Variants in ESYT2 observed in about 807,000 individuals in gnomAD.
ESYT2 encodes extended synaptotagmin 2.
In ESYT2, 54 loss-of-function variants were observed where a neutral mutation model predicts 107.2. That is an observed-to-expected ratio of 0.50 (90% CI 0.40 to 0.63). The LOEUF is 0.63. Ranked by LOEUF, ESYT2 falls within the 30% of genes least tolerant of loss-of-function variation. The probability of loss-of-function intolerance (pLI) is 0.00; values close to 1 mark genes in which losing one functional copy is unlikely to be tolerated. For synonymous variants in ESYT2, 491 were observed against 434.1 expected (o/e 1.13, Z -1.63); for missense variants, 1,020 against 1,094.5 (o/e 0.93, Z 0.96).
intron 13 of ESYT2, among the ~76,000 whole-genome samples, chr7:158,755,686 A>T (rs1473420767): frequency 6.6e-6 from 1 of 152,244 alleles, no homozygotes; most frequent in Non-Finnish European, 1.5e-5. Context: ...GGCCTTAGAC[A>T]TATATGAGTA....
intron 1 of ESYT2, among the ~76,000 whole-genome samples, chr7:158,813,499 G>A (rs1258961534): frequency 6.6e-6 from 1 of 152,196 alleles, no homozygotes; most frequent in Non-Finnish European, 1.5e-5. Context: ...TGGGGGCTCT[G>A]TATTATCTGC....
In ESYT2 at chr7:158,737,141, T is replaced by G. The variant is rs899412260; in HGVS notation, c.2306A>C (p.Tyr769Ser). 3 of 1,613,830 alleles carry G rather than the reference T, an allele frequency of 1.9e-6. No homozygotes were observed. Among genetic ancestry groups the G allele is most frequent in the Non-Finnish European group, 2.5e-6 (3 of 1,179,892 alleles). ...IAFSEDGSDP[Y>S]VRMYLLPDKR... ...GTCTGGTAATAAATACATGCGGACA[T>G]AGGGGTCAGAGCCGTCTTCAGAGAA... Residue 769 changes from tyrosine (Y) to serine (S), a missense_variant, in exon 20 of 23, where the codon TAT becomes TCT. Tyr to Ser is a moderately radical substitution (Grantham distance 144). Coordinates refer to ENST00000275418, the MANE Select transcript of ESYT2 (RefSeq NM_001367773.1).
At position 158,734,018 on chromosome 7, in the gene ESYT2, C is replaced by G. The variant is rs1836831255; in HGVS notation, c.*189G>C. On this transcript the variant is annotated 3_prime_UTR_variant, in exon 23 of 23. Coordinates refer to ENST00000275418, the MANE Select transcript of ESYT2 (RefSeq NM_001367773.1). ...GAACTGGCGAAATCCTAGAGGAAATCCAACACAGAAAATTCAATGATAATA... is the reference window on the plus strand; with the variant it reads ...GAACTGGCGAAATCCTAGAGGAAATGCAACACAGAAAATTCAATGATAATA... 3 of 659,574 alleles carry G rather than the reference C, an allele frequency of 4.5e-6. No homozygotes were observed. Among genetic ancestry groups the G allele is most frequent in the Non-Finnish European group, 7.5e-6 (3 of 398,146 alleles). The allele number at this position is 659,574 out of a possible 1,614,324, so 40.9% of individuals were successfully genotyped here.
Position 158,734,106 on chromosome 7 carries a change from T to A in ESYT2, c.*101A>T. On this transcript the variant is annotated 3_prime_UTR_variant, in exon 23 of 23. Coordinates refer to ENST00000275418, the MANE Select transcript of ESYT2 (RefSeq NM_001367773.1). ...AACTATTAAGGTATGTATAACTAAA[T>A]CCATGAAATTATAAAAATAACATTG... 1.4e-6 allele frequency: 2 copies of A among 1,395,186 alleles called. No homozygotes were observed. The highest frequency in any genetic ancestry group is 2.0e-6 in the Non-Finnish European group (2 of 1,001,812). The allele number at this position is 1,395,186 out of a possible 1,614,324, so 86.4% of individuals were successfully genotyped here. A position where few individuals can be genotyped will look rare whatever the true frequency, so the allele number is the denominator to read the frequency against.
At position 158,793,257 on chromosome 7, in the gene ESYT2, G is replaced by A. The variant is rs566758748; in HGVS notation, c.584+393C>T. 3.3e-5 allele frequency among the ~76,000 whole-genome samples: 5 copies of A among 152,102 alleles called. No homozygotes were observed. The East Asian group carries it at 5.8e-4, about 18-fold the overall frequency. ...TCCTTTTAATGTGGTGTGTTACATC[G>A]ACAAATTTTTGTATGCTGAATTATC... On this transcript the variant is annotated intron_variant, in intron 4 of 22. Coordinates refer to ENST00000275418, the MANE Select transcript of ESYT2 (RefSeq NM_001367773.1).
intron 7 of ESYT2, among the ~76,000 whole-genome samples, chr7:158,770,182 C>T (rs1047019831): frequency 2.6e-5 from 4 of 151,978 alleles, no homozygotes; most frequent in South Asian, 4.2e-4. Flanking sequence ...TGAGCCACCG[C>T]GTTCAGCCTC....
rs1208473954 is a variant in ESYT2, at chr7:158,829,317, G to A, written c.102C>T (p.Pro34=). 4.7e-6 allele frequency: 7 copies of A among 1,498,812 alleles called. No individual in the cohort carries two copies. Among genetic ancestry groups the A allele is most frequent in the South Asian group, 3.7e-5 (3 of 80,858 alleles). 92.8% of individuals were successfully genotyped at this position (1,498,812 alleles called of 1,614,324 possible). ...NPGGVLSVEL[P]GLLAQLARSF... is the part of the protein sequence containing the mutation. The stretch of plus-strand genomic sequence containing the variant: ...TCCGCGCCAGCTGCGCCAGCAGCCC[G>A]GGCAGCTCCACGCTCAGCACGCCCC... The change falls in exon 1 of 23, where the codon CCC becomes CCT. Residue 34 remains proline (P), a synonymous_variant. Coordinates refer to ENST00000275418, the MANE Select transcript of ESYT2 (RefSeq NM_001367773.1).
At chr7:158,777,537 C>T (rs576578797) in intron 6 of ESYT2, among the ~76,000 whole-genome samples, 2 of 152,276 alleles carry the variant, frequency 1.3e-5, no homozygotes, top group South Asian at 2.1e-4. Flanking sequence ...TTCTCCTGGA[C>T]ACTCTCTCTC....
chr7:158,775,227 C>T (rs1288948743), intron 6 of ESYT2, among the ~76,000 whole-genome samples: 2 of 152,222 alleles, frequency 1.3e-5, no homozygotes, highest in Non-Finnish European at 2.9e-5. Flanking sequence ...CATAAGCCTT[C>T]AGCGCGTCAT....
At chr7:158,761,447 G>A in intron 11 of ESYT2, 49 bp downstream of exon 11, 1 of 1,579,972 alleles carries the variant, frequency 6.3e-7, no homozygotes, top group Non-Finnish European at 8.7e-7. Flanking sequence ...GCACAGGGCA[G>A]GGACTCAGTC....
chr7:158,773,702 G>C (rs1838452137), intron 6 of ESYT2, among the ~76,000 whole-genome samples: 1 of 152,200 alleles, frequency 6.6e-6, no homozygotes, highest in Non-Finnish European at 1.5e-5. Context: ...CAAATAATGA[G>C]TCAGGGAATA....
At chr7:158,748,411 G>T in intron 15 of ESYT2, 131 bp from the exon 16 acceptor site, 1 of 700,570 alleles carries the variant, frequency 1.4e-6, no homozygotes, top group Non-Finnish European at 2.4e-6. Flanking sequence ...AGCTTAGGTT[G>T]ACCTTAATTA....
chr7:158,755,138 C>G (rs570277369), intron 13 of ESYT2, among the ~76,000 whole-genome samples: 23 of 152,242 alleles, frequency 1.5e-4, no homozygotes, highest in South Asian at 1.5e-3. Context: ...AGATGGGGAT[C>G]GCTGGTGGCA....
chr7:158,755,791 A>G (rs1165800453), intron 13 of ESYT2, among the ~76,000 whole-genome samples: 1 of 152,074 alleles, frequency 6.6e-6, no homozygotes, highest in Non-Finnish European at 1.5e-5. Context: ...CATCTGTAAG[A>G]CAGGGCAAAA....
intron 18 of ESYT2, among the ~76,000 whole-genome samples, chr7:158,740,591 C>G (rs1362259130): frequency 2.0e-5 from 3 of 152,206 alleles, no homozygotes; most frequent in African/African-American, 7.2e-5. Context: ...CACAGACCCC[C>G]AAAATGACAA....
intron 6 of ESYT2, among the ~76,000 whole-genome samples, chr7:158,778,106 A>G (rs1389469502): frequency 2.0e-5 from 3 of 152,220 alleles, no homozygotes; most frequent in Non-Finnish European, 4.4e-5. Context: ...TACTTTAAGA[A>G]AAAAACCACC....
rs991594577 is a variant in ESYT2, at chr7:158,793,743, C to G, written c.508-17G>C. The G allele has an allele frequency of 6.2e-7, 1 of 1,601,592 alleles. No individual in the cohort carries two copies. The highest frequency in any genetic ancestry group is 8.5e-7 in the Non-Finnish European group (1 of 1,171,600). On this transcript the variant is annotated splice_polypyrimidine_tract_variant and intron_variant, in intron 3 of 22. Coordinates refer to ENST00000275418, the MANE Select transcript of ESYT2 (RefSeq NM_001367773.1). Reference sequence around the variant, plus strand: ...CCTGAGGGGCTGAAATAAGAAGTAGCTTATTTTAAGATACAGAGGTTAAAA... The same window carrying G: ...CCTGAGGGGCTGAAATAAGAAGTAGGTTATTTTAAGATACAGAGGTTAAAA...
At chr7:158,792,242 C>T (rs7783880) in intron 4 of ESYT2, among the ~76,000 whole-genome samples, 18,785 of 150,046 alleles carry the variant, frequency 0.13, 1,334 homozygotes, top group African/African-American at 0.2. Flanking sequence ...TAATTCCTTC[C>T]CCTGGGTGCA....
At position 158,807,957 on chromosome 7, in the gene ESYT2, G is replaced by A. The variant is rs114926345; in HGVS notation, c.331-8885C>T. 4.1e-3 allele frequency among the ~76,000 whole-genome samples: 625 copies of A among 152,302 alleles called. 6 individuals are homozygous for A. Among genetic ancestry groups the A allele is most frequent in the African/African-American group, 0.014 (567 of 41,564 alleles). ...ATGCGCAAACCCGCAAAAGGATGGC[G>A]CCACGGGGTAGGGCCGTCCAGCCTC... is the stretch of plus-strand genomic sequence containing the variant. On this transcript the variant is annotated intron_variant, in intron 1 of 22. Coordinates refer to ENST00000275418, the MANE Select transcript of ESYT2 (RefSeq NM_001367773.1).
Sources: gnomAD v4.1 joint callset for allele counts (sites outside exome capture counted in the v4.1 genomes callset) on GRCh38, gnomAD v4.1.1 for gene constraint, MANE v1.5 for transcripts, NCBI Gene and HGNC (gene_info 2026-07-23, HGNC 2026-07-21) for gene names.